The following TEAD1 variants were observed in gnomAD, a reference collection of about 807,000 sequenced individuals.
TEAD1 encodes transcriptional enhancer factor TEF-1.
TEAD1 carries 9 observed loss-of-function variants against 54.9 expected under a neutral mutation model. The observed-to-expected ratio is 0.16, with a 90% CI of 0.10 to 0.29. The LOEUF (loss-of-function observed/expected upper bound fraction) is 0.29. Ranked by LOEUF, TEAD1 falls within the 10% of genes least tolerant of loss-of-function variation. The pLI, the probability that TEAD1 is intolerant of heterozygous loss-of-function variation, is 1.00. For synonymous variants in TEAD1, 200 were observed against 187.8 expected, an observed-to-expected ratio of 1.07 and a Z score of -0.53; for missense variants, 387 against 535.9, an observed-to-expected ratio of 0.72 and a Z score of 2.74.
intron 3 of TEAD1, among the ~76,000 whole-genome samples, chr11:12,795,100 G>T (rs1945886671): frequency 6.6e-6 from 1 of 152,186 alleles, no homozygotes; most frequent in Non-Finnish European, 1.5e-5. Flanking sequence ...TTGAGGGGTT[G>T]GCAGGGCCAT....
chr11:12,917,070 A>G (rs1020215561), intron 10 of TEAD1, among the ~76,000 whole-genome samples: 2 of 152,210 alleles, frequency 1.3e-5, no homozygotes, highest in Non-Finnish European at 2.9e-5. Context: ...GGTACATTAC[A>G]TGGCAAAGGG....
At chr11:12,756,930 G>T (rs1944993967) in intron 2 of TEAD1, among the ~76,000 whole-genome samples, 1 of 152,200 alleles carries the variant, frequency 6.6e-6, no homozygotes, top group Admixed American at 6.5e-5. Flanking sequence ...GTTCACTTTG[G>T]AAGTAAAGCA....
At chr11:12,870,652 G>A (rs539225419) in intron 5 of TEAD1, among the ~76,000 whole-genome samples, 4 of 152,286 alleles carry the variant, frequency 2.6e-5, no homozygotes, top group South Asian at 4.1e-4. Context: ...TCGGGAGGCC[G>A]AGATGGGCAG....
At chr11:12,747,696 C>CTAGGT (rs1315992646) in intron 2 of TEAD1, among the ~76,000 whole-genome samples, 6 of 152,190 alleles carry the variant, frequency 3.9e-5, no homozygotes, top group Non-Finnish European at 8.8e-5. Context: ...TTAAGACATA[C>CTAGGT]TACCCATGCT....
intron 2 of TEAD1, among the ~76,000 whole-genome samples, chr11:12,706,989 T>C (rs1028280825): frequency 1.3e-5 from 2 of 152,188 alleles, no homozygotes; most frequent in African/African-American, 4.8e-5. Flanking sequence ...CCATGCTGTT[T>C]TACCCTCGTA....
chr11:12,769,285 A>T (rs1945270305), intron 3 of TEAD1, among the ~76,000 whole-genome samples: 1 of 152,140 alleles, frequency 6.6e-6, no homozygotes, highest in African/African-American at 2.4e-5. Flanking sequence ...TGCCCTGCCC[A>T]CCAGGACAGC....
At chr11:12,852,813 C>G (rs770822463) in intron 3 of TEAD1, among the ~76,000 whole-genome samples, 2 of 152,082 alleles carry the variant, frequency 1.3e-5, no homozygotes, top group African/African-American at 2.4e-5. Flanking sequence ...TGGACTGTAC[C>G]TTGAAGAGGC....
intron 3 of TEAD1, among the ~76,000 whole-genome samples, chr11:12,831,667 T>G (rs752594929): frequency 5.3e-5 from 8 of 151,912 alleles, no homozygotes; most frequent in Non-Finnish European, 1.0e-4. Context: ...TAGTCCCAGC[T>G]ACTCAGGAGG....
chr11:12,764,442 G>A lies in TEAD1; in HGVS notation c.202+8G>A, dbSNP rs1193197544. ...ACGAAGGCAAAATGTATGGTAAGTG[G>A]CCTGGAACACTCCTTTGAAATACTA... On this transcript the variant is annotated splice_region_variant and intron_variant, in intron 3 of 12. Coordinates refer to ENST00000527636, the MANE Select transcript of TEAD1 (RefSeq NM_021961.6). The A allele has an allele frequency of 6.2e-7, 1 of 1,614,052 alleles. No individual in the cohort carries two copies. Among genetic ancestry groups the A allele is most frequent in the East Asian group, 2.2e-5 (1 of 44,876 alleles).
At chr11:12,807,406 G>A (rs1946198089) in intron 3 of TEAD1, among the ~76,000 whole-genome samples, 1 of 152,114 alleles carries the variant, frequency 6.6e-6, no homozygotes, top group African/African-American at 2.4e-5. Flanking sequence ...TGGATACGTG[G>A]GTCCTGAAAT....
At chr11:12,744,306 C>T (rs1944704593) in intron 2 of TEAD1, among the ~76,000 whole-genome samples, 1 of 152,120 alleles carries the variant, frequency 6.6e-6, no homozygotes, top group Admixed American at 6.5e-5. Flanking sequence ...AGGAATCTGT[C>T]CTTGAGAAAT....
intron 9 of TEAD1, among the ~76,000 whole-genome samples, chr11:12,891,310 TA>T (rs1216129881): frequency 6.6e-6 from 1 of 152,184 alleles, no homozygotes. Flanking sequence ...GGATGTGATC[TA>T]ATTTGTGCTT....
chr11:12,795,629 C>A (rs1051333035), intron 3 of TEAD1, among the ~76,000 whole-genome samples: 1 of 152,126 alleles, frequency 6.6e-6, no homozygotes, highest in Non-Finnish European at 1.5e-5. Flanking sequence ...AGGCTTTATA[C>A]CCTTGCTCCT....
At chr11:12,714,054 G>A (rs1944001402) in intron 2 of TEAD1, among the ~76,000 whole-genome samples, 1 of 152,188 alleles carries the variant, frequency 6.6e-6, no homozygotes, top group Admixed American at 6.5e-5. Context: ...GTGGAAGAGG[G>A]AACGTGTAGA....
chr11:12,857,360 C>G (rs1228219601), intron 3 of TEAD1, among the ~76,000 whole-genome samples: 2 of 152,132 alleles, frequency 1.3e-5, no homozygotes, highest in African/African-American at 4.8e-5. Context: ...AAAGAGGTGA[C>G]ATGTTGTGCA....
chr11:12,940,674 G>C lies in TEAD1; in HGVS notation c.*3452G>C, dbSNP rs1792357272. On this transcript the variant is annotated 3_prime_UTR_variant, in exon 13 of 13. Transcript: ENST00000527636. ...TTTAATCAACTCACACCTGTTTAAA[G>C]AGTGTTTCTGATTTGACCTTCATCC... is the stretch of plus-strand genomic sequence containing the variant. The C allele has an allele frequency of 1.3e-5, 2 of 152,162 alleles. No individual in the cohort carries two copies. Among genetic ancestry groups the C allele is most frequent in the Non-Finnish European group, 2.9e-5 (2 of 68,040 alleles). The allele number at this position is 152,162 out of a possible 1,614,324, so 9.4% of individuals were successfully genotyped here.
chr11:12,785,678 T>TA (rs1174872356), intron 3 of TEAD1, among the ~76,000 whole-genome samples: 2 of 152,174 alleles, frequency 1.3e-5, no homozygotes, highest in Admixed American at 1.3e-4. Context: ...TCCGGGAACT[T>TA]ACAGATCTTG....
intron 12 of TEAD1, among the ~76,000 whole-genome samples, chr11:12,931,004 G>A (rs10831921): frequency 0.16 from 24,782 of 152,210 alleles, 2,294 homozygotes; most frequent in East Asian, 0.4. Flanking sequence ...AGTGGCTTAT[G>A]CCTCTAATCT....
intron 2 of TEAD1, among the ~76,000 whole-genome samples, chr11:12,743,268 A>G (rs1416700691): frequency 3.9e-5 from 6 of 152,246 alleles, no homozygotes; most frequent in African/African-American, 1.4e-4. Context: ...GAGCTTATTG[A>G]CAGCACTCAA....
Sources: allele counts gnomAD v4.1 joint callset (sites outside exome capture counted in the v4.1 genomes callset), GRCh38; gene constraint gnomAD v4.1.1; transcripts MANE v1.5; gene names NCBI Gene and HGNC (gene_info 2026-07-23, HGNC 2026-07-21).